Variants in SLC68A1 observed in about 807,000 individuals in gnomAD.
SLC68A1 encodes the protein major facilitator superfamily domain containing 13A.
chr10:102,468,865 T>A, the SLC68A1 span: 1 of 605,368 alleles, frequency 1.7e-6, no homozygotes, highest in Non-Finnish European at 2.9e-6. Flanking sequence ...TCTCTCCTGT[T>A]GGAAATGAGT....
At chr10:102,464,658 T>C in the SLC68A1 span, among the ~76,000 whole-genome samples, 147 of 149,152 alleles carry the variant, frequency 9.9e-4, 3 homozygotes, top group South Asian at 0.03. Flanking sequence ...GGCGTGGTGG[T>C]GCATGCCTGT....
the SLC68A1 span, chr10:102,468,988 G>T: frequency 6.4e-7 from 1 of 1,571,888 alleles, no homozygotes. Flanking sequence ...GTGGCCATGA[G>T]CCCTCCCCGG....
At chr10:102,472,176 G>A in the SLC68A1 span, 1 of 361,366 alleles carries the variant, frequency 2.8e-6, no homozygotes, top group Non-Finnish European at 5.5e-6. Flanking sequence ...AAAAAGAAGA[G>A]CTAAGTGCTG....
the SLC68A1 span, among the ~76,000 whole-genome samples, chr10:102,470,255 C>T: frequency 0.15 from 23,276 of 152,076 alleles, 2,065 homozygotes; most frequent in Middle Eastern, 0.24. Flanking sequence ...TGGCCTTGGA[C>T]GTACACTTGC....
At chr10:102,469,772 C>G in the SLC68A1 span, 2 of 885,092 alleles carry the variant, frequency 2.3e-6, no homozygotes, top group Non-Finnish European at 2.7e-6. Context: ...GTCTCAAACT[C>G]CTGACCTCAG....
chr10:102,470,161 G>A, the SLC68A1 span: 3 of 1,193,808 alleles, frequency 2.5e-6, no homozygotes, highest in South Asian at 1.3e-5. Context: ...TGTTTGGGGT[G>A]GGGAAGGAAG....
chr10:102,474,963 C>T, the SLC68A1 span, among the ~76,000 whole-genome samples: 1 of 150,678 alleles, frequency 6.6e-6, no homozygotes, highest in Non-Finnish European at 1.5e-5. Context: ...GGGTTTTAAA[C>T]AGGGAAGTGA....
chr10:102,476,825 T>C, the SLC68A1 span: 3 of 985,634 alleles, frequency 3.0e-6, no homozygotes, highest in African/African-American at 5.2e-5. Flanking sequence ...CCACTTTTAA[T>C]ACTGCAACTG....
the SLC68A1 span, among the ~76,000 whole-genome samples, chr10:102,472,652 A>G: frequency 6.6e-6 from 1 of 152,166 alleles, no homozygotes; most frequent in African/African-American, 2.4e-5. Flanking sequence ...ACTTTTTAGC[A>G]AAGTTAGATA....
At chr10:102,473,043 G>T in the SLC68A1 span, 1 of 1,073,894 alleles carries the variant, frequency 9.3e-7, no homozygotes, top group Non-Finnish European at 1.4e-6. Context: ...AGCCAGGATG[G>T]TCTCCATTTC....
chr10:102,468,048 C>G, the SLC68A1 span, among the ~76,000 whole-genome samples: 1 of 152,110 alleles, frequency 6.6e-6, no homozygotes. Context: ...AAAAAAAATG[C>G]CTGTCCTCAC....
chr10:102,474,944 G>C, the SLC68A1 span, among the ~76,000 whole-genome samples: 1 of 149,454 alleles, frequency 6.7e-6, no homozygotes, highest in African/African-American at 2.4e-5. Flanking sequence ...CACCACGCCC[G>C]GCCAGGGAGG....
chr10:102,468,952 CA>C, the SLC68A1 span: 3 of 1,313,688 alleles, frequency 2.3e-6, no homozygotes, highest in Non-Finnish European at 3.1e-6. Flanking sequence ...CCTTCTTCCC[CA>C]GGGACGAGGA....
chr10:102,471,239 C>G, the SLC68A1 span: 1 of 1,609,068 alleles, frequency 6.2e-7, no homozygotes, highest in African/African-American at 1.3e-5. Context: ...TCTGGCCAGC[C>G]CCAGGCAGTT....
chr10:102,464,780 A>G, the SLC68A1 span, among the ~76,000 whole-genome samples: 2 of 93,122 alleles, frequency 2.1e-5, no homozygotes, highest in African/African-American at 8.8e-5. Flanking sequence ...ACAGAGCGAG[A>G]CTCTGTCTCA....
At chr10:102,474,141 C>A in the SLC68A1 span, 1 of 897,350 alleles carries the variant, frequency 1.1e-6, no homozygotes, top group Non-Finnish European at 1.6e-6. Context: ...CTCAACATGG[C>A]TAGAGTCACT....
the SLC68A1 span, chr10:102,476,042 G>GTT: frequency 3.3e-4 from 313 of 957,402 alleles, 3 homozygotes; most frequent in South Asian, 1.1e-3. Context: ...GAAGGAGCCA[G>GTT]TTTTTTTTGG....
At chr10:102,470,683 C>T in the SLC68A1 span, 3 of 1,611,598 alleles carry the variant, frequency 1.9e-6, no homozygotes, top group South Asian at 1.1e-5. Flanking sequence ...CCGGGCTCTC[C>T]TCAAGGGCTG....
chr10:102,476,746 G>T, the SLC68A1 span: 1 of 986,128 alleles, frequency 1.0e-6, no homozygotes, highest in African/African-American at 1.7e-5. Flanking sequence ...GTGCACACAG[G>T]CCTGCCATGG....
Sources: allele counts gnomAD v4.1 joint callset (sites outside exome capture counted in the v4.1 genomes callset), GRCh38; gene constraint gnomAD v4.1.1; transcripts MANE v1.5; gene names NCBI Gene and HGNC (gene_info 2026-07-23, HGNC 2026-07-21).